GLRA1: variants seen among roughly 807,000 people sequenced by gnomAD.
The protein encoded by GLRA1 is glycine receptor alpha 1.
A neutral mutation model predicts 48.3 loss-of-function variants in GLRA1; 37 were observed. The ratio of observed to expected loss-of-function variants is 0.77; its 90% CI spans 0.59 to 1.01. GLRA1 has a LOEUF of 1.01. Among genes scored for constraint, GLRA1 ranks in the 50% least tolerant of loss-of-function variants. GLRA1 has a pLI of 0.00. For synonymous variants in GLRA1, 196 were observed against 210.7 expected (o/e 0.93, Z 0.60); for missense variants, 427 against 571.0 (o/e 0.75, Z 2.57).
At chr5:151,924,291 A>G (rs1002022485) in intron 1 of GLRA1, among the ~76,000 whole-genome samples, 3 of 139,864 alleles carry the variant, frequency 2.1e-5, no homozygotes, top group African/African-American at 5.2e-5. Context: ...CTCCACGCAC[A>G]AGCCAGACAC....
At chr5:151,827,952 T>C (rs1446107420) in intron 8 of GLRA1, among the ~76,000 whole-genome samples, 3 of 152,202 alleles carry the variant, frequency 2.0e-5, no homozygotes, top group Admixed American at 6.5e-5. Context: ...CAAATACTTA[T>C]TGCATGCTCA....
intron 3 of GLRA1, among the ~76,000 whole-genome samples, chr5:151,868,421 G>A (rs1753390893): frequency 1.3e-5 from 2 of 152,320 alleles, no homozygotes; most frequent in Admixed American, 6.5e-5. Flanking sequence ...CAATAACCCT[G>A]TGAGGTAGGT....
At chr5:151,867,656 C>A (rs1428855227) in intron 3 of GLRA1, among the ~76,000 whole-genome samples, 2 of 152,124 alleles carry the variant, frequency 1.3e-5, no homozygotes, top group Admixed American at 6.5e-5. Flanking sequence ...GCATTTTCAA[C>A]CTAATTTTAT....
intron 7 of GLRA1, chr5:151,850,241 G>A (rs566504931): frequency 6.2e-6 from 10 of 1,604,822 alleles, no homozygotes; most frequent in Non-Finnish European, 7.7e-6. Context: ...CTGGAGCCAA[G>A]ATGGTGGGTA....
chr5:151,891,249 G>A lies in GLRA1; in HGVS notation c.184+1062C>T, dbSNP rs948641593. Among the ~76,000 whole-genome samples, 3 of 152,196 alleles carry A rather than the reference G, an allele frequency of 2.0e-5. No homozygotes were observed. In the East Asian group the frequency reaches 5.8e-4, roughly 29 times the overall value. On this transcript the variant is annotated intron_variant, in intron 2 of 8. Transcript: ENST00000274576. ...GACTGCACCTGCAGGGCTCTGCTCGGCAGTTTGAGATGGCTGCAACCTCCT... is the reference window on the plus strand; with the variant it reads ...GACTGCACCTGCAGGGCTCTGCTCGACAGTTTGAGATGGCTGCAACCTCCT...
chr5:151,904,502 G>A (rs768414406), intron 1 of GLRA1, among the ~76,000 whole-genome samples: 8 of 152,180 alleles, frequency 5.3e-5, no homozygotes, highest in Non-Finnish European at 5.9e-5. Flanking sequence ...CATCCATAGC[G>A]TGTAGATAGC....
chr5:151,881,886 C>G (rs565348077), intron 3 of GLRA1, among the ~76,000 whole-genome samples: 1 of 152,166 alleles, frequency 6.6e-6, no homozygotes. Context: ...GCTATGCACT[C>G]CTGCTTTTTC....
intron 1 of GLRA1, among the ~76,000 whole-genome samples, chr5:151,902,466 T>C (rs1581657349): frequency 6.6e-6 from 1 of 152,216 alleles, no homozygotes; most frequent in South Asian, 2.1e-4. Context: ...AGTTAGCTCA[T>C]CTTGAAAATA....
intron 2 of GLRA1, among the ~76,000 whole-genome samples, chr5:151,888,965 CT>C (rs1166319817): frequency 6.6e-6 from 1 of 152,138 alleles, no homozygotes; most frequent in Admixed American, 6.5e-5. Context: ...GATTTTTCTC[CT>C]TTATTTAGAC....
At chr5:151,886,668 C>T (rs1256347600) in intron 3 of GLRA1, 53 bp downstream of exon 3, 2 of 1,287,728 alleles carry the variant, frequency 1.6e-6, no homozygotes, top group African/African-American at 1.5e-5. Context: ...ATAAATATTT[C>T]ATGGAGAGAT....
At position 151,918,224 on chromosome 5, in the gene GLRA1, C is replaced by T. The variant is rs963372678; in HGVS notation, c.56+6270G>A. Among the ~76,000 whole-genome samples the T allele has an allele frequency of 2.0e-5, 3 of 152,136 alleles. No homozygotes were observed. In the South Asian group the frequency reaches 6.2e-4, roughly 32 times the overall value. On this transcript the variant is annotated intron_variant, in intron 1 of 8. Coordinates refer to ENST00000274576, the MANE Select transcript of GLRA1 (RefSeq NM_000171.4). ...CCCCAGCATCTCTGGGCATTGTTCC[C>T]TTCTAATGTGCTTTCTGAATGAATT... is the stretch of plus-strand genomic sequence containing the variant.
chr5:151,850,142 A>G (rs1752862501), intron 7 of GLRA1: 1 of 1,603,722 alleles, frequency 6.2e-7, no homozygotes, highest in Non-Finnish European at 8.5e-7. Context: ...GCTTCCCAGG[A>G]CCCCAGGGTC....
chr5:151,916,422 AGCAATAAACAC>A (rs1239831908), intron 1 of GLRA1, among the ~76,000 whole-genome samples: 1 of 152,174 alleles, frequency 6.6e-6, no homozygotes, highest in Non-Finnish European at 1.5e-5. Flanking sequence ...CTGAGCACAC[AGCAATAAACAC>A]GCAGCTCTCA....
At chr5:151,870,231 G>A (rs1241523043) in intron 3 of GLRA1, among the ~76,000 whole-genome samples, 1 of 149,372 alleles carries the variant, frequency 6.7e-6, no homozygotes, top group Non-Finnish European at 1.5e-5. Context: ...AAGAATTTTG[G>A]ATTGGGACAT....
chr5:151,849,501 C>CCTTCCTTCCTTCCTTTCT, intron 7 of GLRA1, among the ~76,000 whole-genome samples: 1 of 37,726 alleles, frequency 2.7e-5, no homozygotes, highest in African/African-American at 1.6e-4. Flanking sequence ...CCTTTCTTTT[C>CCTTCCTTCCTTCCTTTCT]TTTCTTTCTT....
intron 1 of GLRA1, among the ~76,000 whole-genome samples, chr5:151,901,151 T>C (rs1465022779): frequency 6.6e-5 from 10 of 152,232 alleles, no homozygotes; most frequent in African/African-American, 2.4e-4. Context: ...ACGAAATGTC[T>C]TGGACCACTG....
chr5:151,895,809 CT>C (rs1217259684), intron 1 of GLRA1, among the ~76,000 whole-genome samples: 4 of 152,150 alleles, frequency 2.6e-5, no homozygotes. Context: ...GGACTCATGG[CT>C]GCTGTGTGGC....
chr5:151,891,590 C>G (rs1053499059), intron 2 of GLRA1, among the ~76,000 whole-genome samples: 1 of 152,122 alleles, frequency 6.6e-6, no homozygotes, highest in Admixed American at 6.6e-5. Context: ...GCCTGTACCT[C>G]TATTTCTTCA....
intron 5 of GLRA1, 140 bp from the exon 6 acceptor site, chr5:151,855,317 CT>C (rs765134337): frequency 2.2e-4 from 172 of 766,190 alleles, no homozygotes; most frequent in Non-Finnish European, 3.3e-4. Flanking sequence ...TTTTTTTCCT[CT>C]CAAAAGAGGT....
Sources: allele counts gnomAD v4.1 joint callset (sites outside exome capture counted in the v4.1 genomes callset), GRCh38; gene constraint gnomAD v4.1.1; transcripts MANE v1.5; gene names NCBI Gene and HGNC (gene_info 2026-07-23, HGNC 2026-07-21).